The following TUSC3 variants were observed in gnomAD, a reference collection of about 807,000 sequenced individuals.
TUSC3 encodes the protein tumor suppressor candidate 3, also known as dolichyl-diphosphooligosaccharide--protein glycosyltransferase subunit TUSC3.
A neutral mutation model predicts 44.8 loss-of-function variants in TUSC3; 45 were observed. The observed-to-expected ratio is 1.00, with a 90% confidence interval of 0.79 to 1.29. The LOEUF (loss-of-function observed/expected upper bound fraction) is 1.29, where lower values mean the gene tolerates loss of function less well. TUSC3 is among the 50% of genes most tolerant of loss of function. The pLI is 0.00. For synonymous variants in TUSC3, 212 were observed against 152.9 expected (o/e 1.39, Z -2.85); for missense variants, 519 against 437.9 (o/e 1.19, Z -1.65).
the TUSC3 span, among the ~76,000 whole-genome samples, chr8:15,798,523 G>C: frequency 3.6e-4 from 55 of 152,134 alleles, no homozygotes; most frequent in Non-Finnish European, 6.5e-4. Context: ...ATAGTACAGA[G>C]AAAGAGGGAA....
At chr8:15,822,068 G>C in the TUSC3 span, among the ~76,000 whole-genome samples, 3 of 152,220 alleles carry the variant, frequency 2.0e-5, no homozygotes, top group East Asian at 5.8e-4. Context: ...GAAGTTTCTG[G>C]TGAATCAGAT....
intron 7 of TUSC3, among the ~76,000 whole-genome samples, chr8:15,739,912 G>T (rs1415490273): frequency 8.5e-6 from 1 of 117,080 alleles, no homozygotes; most frequent in Non-Finnish European, 1.8e-5. Flanking sequence ...CTGGGCTTCA[G>T]TTTCCTTGTT....
At chr8:15,480,140 A>C (rs1456198691) in intron 1 of TUSC3, among the ~76,000 whole-genome samples, 5 of 152,154 alleles carry the variant, frequency 3.3e-5, no homozygotes, top group African/African-American at 7.2e-5. Flanking sequence ...TAAAGGACCT[A>C]TTCAAGGAGA....
intron 2 of TUSC3, among the ~76,000 whole-genome samples, chr8:15,531,098 G>A (rs948410519): frequency 6.6e-6 from 1 of 152,156 alleles, no homozygotes; most frequent in Non-Finnish European, 1.5e-5. Context: ...CATGCGGGCA[G>A]CTTACCCTAA....
At chr8:15,816,738 C>G in the TUSC3 span, among the ~76,000 whole-genome samples, 4 of 152,100 alleles carry the variant, frequency 2.6e-5, no homozygotes, top group Admixed American at 1.3e-4. Flanking sequence ...AATAACCAAA[C>G]AGCCCTCACA....
At chr8:15,515,015 T>C (rs545274908) in intron 2 of TUSC3, among the ~76,000 whole-genome samples, 1 of 152,356 alleles carries the variant, frequency 6.6e-6, no homozygotes, top group African/African-American at 2.4e-5. Context: ...TTGGAGAATC[T>C]ATCAATACAT....
chr8:15,843,588 A>G, the TUSC3 span, among the ~76,000 whole-genome samples: 1 of 103,164 alleles, frequency 9.7e-6, no homozygotes. Context: ...ACACAACTTG[A>G]TGTACATATA....
chr8:15,678,635 C>A (rs1380016002), intron 6 of TUSC3, among the ~76,000 whole-genome samples: 1 of 152,146 alleles, frequency 6.6e-6, no homozygotes, highest in African/African-American at 2.4e-5. Flanking sequence ...CTTTATTTCA[C>A]ATTTTAACAA....
the TUSC3 span, among the ~76,000 whole-genome samples, chr8:15,796,591 A>T: frequency 6.6e-6 from 1 of 152,202 alleles, no homozygotes; most frequent in Non-Finnish European, 1.5e-5. Flanking sequence ...GTTGTAATTC[A>T]ACTCAGCCAA....
chr8:15,477,619 G>T (rs11782066), intron 1 of TUSC3, among the ~76,000 whole-genome samples: 2 of 152,062 alleles, frequency 1.3e-5, no homozygotes, highest in African/African-American at 4.8e-5. Context: ...CTACTTGGGA[G>T]GCTGAGGTAG....
chr8:15,450,275 A>G (rs1041233894), intron 1 of TUSC3, among the ~76,000 whole-genome samples: 4 of 152,164 alleles, frequency 2.6e-5, no homozygotes, highest in Non-Finnish European at 4.4e-5. Context: ...AACAAGCTTT[A>G]AAAAGTATTA....
chr8:15,746,249 G>A (rs75026728), intron 8 of TUSC3, among the ~76,000 whole-genome samples: 2,947 of 152,012 alleles, frequency 0.019, 99 homozygotes, highest in African/African-American at 0.066. Flanking sequence ...TTAAATCACC[G>A]TTTTCAACTC....
chr8:15,522,660 C>G (rs4831734), intron 2 of TUSC3, among the ~76,000 whole-genome samples: 65,942 of 151,684 alleles, frequency 0.43, 14,489 homozygotes, highest in Admixed American at 0.47. Context: ...GGCTGTTTCC[C>G]TACTCCATCT....
At chr8:15,805,933 GT>G in the TUSC3 span, among the ~76,000 whole-genome samples, 1 of 152,104 alleles carries the variant, frequency 6.6e-6, no homozygotes, top group African/African-American at 2.4e-5. Flanking sequence ...TTGAATTATG[GT>G]TTGAAATCAT....
chr8:15,569,809 C>T (rs1043046020), intron 1 of TUSC3, among the ~76,000 whole-genome samples: 2 of 151,872 alleles, frequency 1.3e-5, no homozygotes, highest in Admixed American at 1.3e-4. Context: ...ATTCAAATAC[C>T]GTGTCACACT....
chr8:15,452,188 A>G (rs1156639071), intron 1 of TUSC3, among the ~76,000 whole-genome samples: 1 of 152,230 alleles, frequency 6.6e-6, no homozygotes, highest in African/African-American at 2.4e-5. Flanking sequence ...TGCTTTAACT[A>G]TAATTTCACA....
chr8:15,550,735 G>T (rs776302734), intron 1 of TUSC3, among the ~76,000 whole-genome samples: 10 of 151,280 alleles, frequency 6.6e-5, no homozygotes, highest in Non-Finnish European at 1.0e-4. Flanking sequence ...GCAGTGGCAT[G>T]GTCTCATCTC....
At chr8:15,470,227 C>T (rs925306870) in intron 1 of TUSC3, among the ~76,000 whole-genome samples, 1 of 150,422 alleles carries the variant, frequency 6.6e-6, no homozygotes, top group African/African-American at 2.5e-5. Flanking sequence ...CCACTACACT[C>T]CAGCCTGGGC....
At chr8:15,550,951 G>C (rs1016237981) in intron 1 of TUSC3, among the ~76,000 whole-genome samples, 3 of 151,732 alleles carry the variant, frequency 2.0e-5, no homozygotes, top group African/African-American at 7.2e-5. Flanking sequence ...GATTACAGGG[G>C]TGAAATAAAA....
Sources: gnomAD v4.1 joint callset for allele counts (sites outside exome capture counted in the v4.1 genomes callset) on GRCh38, gnomAD v4.1.1 for gene constraint, MANE v1.5 for transcripts, NCBI Gene and HGNC (gene_info 2026-07-23, HGNC 2026-07-21) for gene names.